The following CTXND1 variants were observed in gnomAD, a reference collection of about 807,000 sequenced individuals.
CTXND1 encodes cortexin domain-containing 1 protein.
In CTXND1 at chr15:80,198,571, G is replaced by T. The variant is rs573300644; in HGVS notation, c.*3199C>A. 1 of 152,310 alleles carries T rather than the reference G, an allele frequency of 6.6e-6. No homozygotes were observed. Among genetic ancestry groups the T allele is most frequent in the South Asian group, 2.1e-4 (1 of 4,826 alleles). The allele number at this position is 152,310 out of a possible 1,614,324, so 9.4% of individuals were successfully genotyped here. On this transcript the variant is annotated 3_prime_UTR_variant, in exon 3 of 3. Transcript: ENST00000560778. ...AAAGGACCATCTCCTCTATGCTTCA[G>T]CAGCATAATGCAACAACTGAAGCCT...
chr15:80,208,149 CAG>C (rs1398924296), intron 1 of CTXND1, among the ~76,000 whole-genome samples: 1 of 151,990 alleles, frequency 6.6e-6, no homozygotes, highest in African/African-American at 2.4e-5. Flanking sequence ...AGTATTGTAA[CAG>C]TGAAAAACTG....
chr15:80,243,371 G>A (rs1893591986), intron 1 of CTXND1, among the ~76,000 whole-genome samples: 1 of 152,108 alleles, frequency 6.6e-6, no homozygotes, highest in Non-Finnish European at 1.5e-5. Context: ...TTTGCCAGTT[G>A]TCACCTTAGC....
chr15:80,238,964 A>G (rs1384674004), intron 1 of CTXND1, among the ~76,000 whole-genome samples: 2 of 152,224 alleles, frequency 1.3e-5, no homozygotes, highest in Non-Finnish European at 2.9e-5. Flanking sequence ...GACATCCCCT[A>G]AGAATGCATT....
At chr15:80,233,754 C>A (rs1227020839) in intron 1 of CTXND1, among the ~76,000 whole-genome samples, 3 of 152,328 alleles carry the variant, frequency 2.0e-5, no homozygotes, top group Non-Finnish European at 2.9e-5. Flanking sequence ...TGCTGTCTCG[C>A]GGAGTGATTA....
At chr15:80,238,486 G>GTT (rs1325767977) in intron 1 of CTXND1, among the ~76,000 whole-genome samples, 17 of 133,618 alleles carry the variant, frequency 1.3e-4, no homozygotes, top group South Asian at 2.5e-4. Context: ...AACCATGTTT[G>GTT]TTTTTTTTTT....
At position 80,197,633 on chromosome 15, in the gene CTXND1, G is replaced by A. The variant is rs1363642395; in HGVS notation, c.*4137C>T. 3 of 152,266 alleles carry A rather than the reference G, an allele frequency of 2.0e-5. No homozygotes were observed. Among genetic ancestry groups the A allele is most frequent in the African/African-American group, 7.2e-5 (3 of 41,450 alleles). 9.4% of individuals were successfully genotyped at this position (152,266 alleles called of 1,614,324 possible). On this transcript the variant is annotated 3_prime_UTR_variant, in exon 3 of 3. Coordinates refer to ENST00000560778, the MANE Select transcript of CTXND1 (RefSeq NM_001352888.2). Reference sequence around the variant, plus strand: ...CCTGTCTTTGTGCTATGATTGGACAGAATAGCTGGGCACATGGATGTGGAC... The same window carrying A: ...CCTGTCTTTGTGCTATGATTGGACAAAATAGCTGGGCACATGGATGTGGAC...
At chr15:80,227,451 C>A (rs1361762056) in intron 1 of CTXND1, among the ~76,000 whole-genome samples, 7 of 152,236 alleles carry the variant, frequency 4.6e-5, no homozygotes, top group African/African-American at 1.7e-4. Flanking sequence ...ATTCTTTCTC[C>A]TCCTCAAGTA....
At chr15:80,229,605 T>A (rs1278751953) in intron 1 of CTXND1, among the ~76,000 whole-genome samples, 1 of 152,222 alleles carries the variant, frequency 6.6e-6, no homozygotes, top group African/African-American at 2.4e-5. Flanking sequence ...TGAAACTCTG[T>A]GATTTTGATA....
intron 1 of CTXND1, among the ~76,000 whole-genome samples, chr15:80,241,971 CA>C (rs1474632806): frequency 6.6e-6 from 1 of 152,216 alleles, no homozygotes; most frequent in African/African-American, 2.4e-5. Context: ...TTTTTCACTC[CA>C]ATAACATCCT....
At chr15:80,203,066 T>C (rs1403071191) in intron 2 of CTXND1, among the ~76,000 whole-genome samples, 1 of 152,162 alleles carries the variant, frequency 6.6e-6, no homozygotes, top group African/African-American at 2.4e-5. Context: ...CTGGCTCCAG[T>C]GGATGGTCAG....
At chr15:80,247,301 G>C (rs543511849) in intron 1 of CTXND1, among the ~76,000 whole-genome samples, 2 of 152,208 alleles carry the variant, frequency 1.3e-5, no homozygotes, top group Admixed American at 1.3e-4. Context: ...TCCTCAAATT[G>C]TCCCTCATCC....
chr15:80,244,093 T>C (rs1893601571), intron 1 of CTXND1, among the ~76,000 whole-genome samples: 1 of 152,222 alleles, frequency 6.6e-6, no homozygotes, highest in Non-Finnish European at 1.5e-5. Flanking sequence ...CCCATCCTGC[T>C]CACCAAGGAG....
intron 1 of CTXND1, among the ~76,000 whole-genome samples, chr15:80,211,063 G>T (rs1893199293): frequency 6.6e-6 from 1 of 152,192 alleles, no homozygotes; most frequent in African/African-American, 2.4e-5. Flanking sequence ...ACAAAATTCG[G>T]TCCATAGCAA....
chr15:80,235,385 C>T (rs1445148570), intron 1 of CTXND1, among the ~76,000 whole-genome samples: 1 of 152,192 alleles, frequency 6.6e-6, no homozygotes, highest in Non-Finnish European at 1.5e-5. Context: ...GGCCGAGGTG[C>T]ACACGTGGCC....
At chr15:80,240,517 C>T (rs55994844) in intron 1 of CTXND1, among the ~76,000 whole-genome samples, 3 of 152,098 alleles carry the variant, frequency 2.0e-5, no homozygotes, top group Middle Eastern at 3.2e-3. Context: ...ACTCCCCCCC[C>T]ACCACCCAAC....
At chr15:80,220,563 T>C (rs1391354363) in intron 1 of CTXND1, among the ~76,000 whole-genome samples, 1 of 152,246 alleles carries the variant, frequency 6.6e-6, no homozygotes, top group Non-Finnish European at 1.5e-5. Flanking sequence ...GATCACCTTG[T>C]TGAGTTCATG....
intron 1 of CTXND1, among the ~76,000 whole-genome samples, chr15:80,228,636 C>CTTTTTTTT (rs58443773): frequency 0.46 from 63,882 of 138,278 alleles, 14,791 homozygotes; most frequent in Middle Eastern, 0.52. Flanking sequence ...AAATCTGAAA[C>CTTTTTTTT]TTTTTTTTTT....
intron 1 of CTXND1, among the ~76,000 whole-genome samples, chr15:80,250,275 C>T (rs917064537): frequency 1.1e-4 from 16 of 151,796 alleles, no homozygotes; most frequent in African/African-American, 2.2e-4. Context: ...GAAAGACACA[C>T]GCAATTCTGT....
At chr15:80,235,238 C>A (rs10438388) in intron 1 of CTXND1, among the ~76,000 whole-genome samples, 1 of 151,902 alleles carries the variant, frequency 6.6e-6, no homozygotes, top group African/African-American at 2.4e-5. Context: ...TGCAGTCAAC[C>A]CTTAGGGGCT....
Sources: gnomAD v4.1 joint callset for allele counts (sites outside exome capture counted in the v4.1 genomes callset) on GRCh38, gnomAD v4.1.1 for gene constraint, MANE v1.5 for transcripts, NCBI Gene and HGNC (gene_info 2026-07-23, HGNC 2026-07-21) for gene names.